TAF11L14: variants seen among roughly 807,000 people sequenced by gnomAD.
TAF11L14 encodes TATA-box binding protein associated factor 11 like 14.
exon 1 of TAF11L14, chr5:17,634,672 A>T (rs1739775389): frequency 2.5e-6 from 1 of 398,704 alleles, no homozygotes. Context: ...CAGCCAAAAG[A>T]CAGAAAACAG....
Position 17,634,531 on chromosome 5 carries a change from C to T in TAF11L14, c.72C>T (p.Asn24=), listed in dbSNP as rs1488241184. Reference sequence around the variant, plus strand: ...TACCCCGAGGTCTGAAGGGCTGCAACGAGGATGGAATCCCTGAGGCCCTAG... The same window carrying T: ...TACCCCGAGGTCTGAAGGGCTGCAATGAGGATGGAATCCCTGAGGCCCTAG... Residue 24 remains asparagine (N), a synonymous_variant, in exon 1 of 1, where the codon AAC becomes AAT. Coordinates refer to ENST00000512227, the Ensembl canonical transcript of TAF11L14. The T allele has an allele frequency of 8.3e-5, 33 of 398,114 alleles. No homozygotes were observed. The East Asian group carries it at 9.6e-4, about 12-fold the overall frequency. The allele number at this position is 398,114 out of a possible 1,614,324, so 24.7% of individuals were successfully genotyped here. A position where few individuals can be genotyped will look rare whatever the true frequency, so the allele number is the denominator to read the frequency against.
chr5:17,634,814 A>G (rs773229653), exon 1 of TAF11L14: 2 of 398,428 alleles, frequency 5.0e-6, no homozygotes, highest in Non-Finnish European at 4.4e-6. Context: ...AGCTTTCCCA[A>G]AAGCACTTGT....
exon 1 of TAF11L14, chr5:17,634,485 T>G: frequency 2.5e-6 from 1 of 398,126 alleles, no homozygotes; most frequent in Non-Finnish European, 4.4e-6. Context: ...CAAACAGGTG[T>G]GTCTGCTGAG....
chr5:17,634,511 C>G (rs889776589), exon 1 of TAF11L14: 2 of 398,180 alleles, frequency 5.0e-6, no homozygotes, highest in Non-Finnish European at 8.9e-6. Context: ...CGCCATACCC[C>G]GAGGTCTGAA....
chr5:17,634,466 A>G (rs1351713470), exon 1 of TAF11L14: 3 of 398,118 alleles, frequency 7.5e-6, no homozygotes, highest in Non-Finnish European at 1.3e-5. Context: ...ACCCATGGAG[A>G]CCGGCAGGCA....
In TAF11L14 at chr5:17,634,859, G is replaced by A. The variant is rs187906944; in HGVS notation, c.400G>A (p.Val134Met). ...GATGTGGTCTATCACTGGGAGATCG[G>A]TGCCTGAGAACATGGCCATTGCCAT... is the stretch of plus-strand genomic sequence containing the variant. The change falls in exon 1 of 1, where the codon GTG becomes ATG. Residue 134 changes from valine (V) to methionine (M), a missense_variant. Val to Met is a conservative substitution (Grantham distance 21). Coordinates refer to ENST00000512227, the Ensembl canonical transcript of TAF11L14. The A allele has an allele frequency of 9.3e-5, 37 of 398,548 alleles. No homozygotes were observed. In the East Asian group the frequency reaches 1.3e-3, roughly 14 times the overall value. The allele number at this position is 398,548 out of a possible 1,614,324, so 24.7% of individuals were successfully genotyped here.
At chr5:17,634,945 G>C (rs1404789804) in exon 1 of TAF11L14, 6 of 398,390 alleles carry the variant, frequency 1.5e-5, no homozygotes, top group Non-Finnish European at 2.7e-5. Flanking sequence ...ACATGTGTGA[G>C]ATGTGGGGAG....
exon 1 of TAF11L14, chr5:17,634,604 G>C (rs1739774466): frequency 5.0e-6 from 2 of 398,412 alleles, no homozygotes; most frequent in Admixed American, 8.8e-5. Context: ...GCTCAGGAGT[G>C]AGGATGTCAT....
exon 1 of TAF11L14, chr5:17,634,763 T>G (rs1244833884): frequency 7.5e-6 from 3 of 398,672 alleles, no homozygotes; most frequent in Non-Finnish European, 1.3e-5. Context: ...GTCTGCCATG[T>G]CTGAGGAGCA....
At chr5:17,635,013 A>C (rs1192269192) in exon 1 of TAF11L14, 1 of 398,308 alleles carries the variant, frequency 2.5e-6, no homozygotes, top group African/African-American at 2.1e-5. Context: ...TTAAAGCCCA[A>C]GGGCCTCTTC....
At chr5:17,634,651 A>G (rs1206026412) in exon 1 of TAF11L14, 2 of 398,618 alleles carry the variant, frequency 5.0e-6, no homozygotes, top group African/African-American at 4.1e-5. Flanking sequence ...CCTCAGCCTC[A>G]GCTCCTCCTG....
chr5:17,634,840 G>T (rs1739781526), exon 1 of TAF11L14: 2 of 398,478 alleles, frequency 5.0e-6, no homozygotes, highest in East Asian at 3.6e-5. Flanking sequence ...GTCTGATGTG[G>T]TCTATCACTG....
exon 1 of TAF11L14, chr5:17,634,659 C>T: frequency 5.0e-6 from 2 of 398,748 alleles, no homozygotes; most frequent in East Asian, 3.6e-5. Context: ...TCAGCTCCTC[C>T]TGCAGCCAAA....
At chr5:17,634,549 G>A (rs1035576937) in exon 1 of TAF11L14, 3 of 398,234 alleles carry the variant, frequency 7.5e-6, no homozygotes, top group Non-Finnish European at 1.3e-5. Flanking sequence ...GAATCCCTGA[G>A]GCCCTAGATG....
chr5:17,634,564 C>A (rs916369375), exon 1 of TAF11L14: 11 of 398,262 alleles, frequency 2.8e-5, no homozygotes, highest in Non-Finnish European at 4.4e-5. Flanking sequence ...TAGATGGGAA[C>A]TTGGAAGAAC....
At chr5:17,634,623 C>G (rs1739774633) in exon 1 of TAF11L14, 2 of 398,290 alleles carry the variant, frequency 5.0e-6, no homozygotes, top group Non-Finnish European at 8.9e-6. Flanking sequence ...ATGGACCTCA[C>G]AGTAGTTGAC....
exon 1 of TAF11L14, chr5:17,634,512 G>A (rs1257547941): frequency 2.0e-5 from 8 of 398,158 alleles, no homozygotes; most frequent in Non-Finnish European, 3.5e-5. Flanking sequence ...GCCATACCCC[G>A]AGGTCTGAAG....
chr5:17,634,597 C>G, exon 1 of TAF11L14: 2 of 398,336 alleles, frequency 5.0e-6, no homozygotes, highest in Non-Finnish European at 8.9e-6. Context: ...AATGTGAGCT[C>G]AGGAGTGAGG....
exon 1 of TAF11L14, chr5:17,634,781 C>G (rs572904396): frequency 2.5e-6 from 1 of 398,680 alleles, no homozygotes; most frequent in South Asian, 1.3e-4. Context: ...GCAGCTGTCC[C>G]GCTATGAAGT....
Sources: gnomAD v4.1 joint callset for allele counts on GRCh38, gnomAD v4.1.1 for gene constraint, MANE v1.5 for transcripts, NCBI Gene and HGNC (gene_info 2026-07-23, HGNC 2026-07-21) for gene names.